The following ARHGEF18 variants were observed in gnomAD, a reference collection of about 807,000 sequenced individuals.
ARHGEF18 encodes rho guanine nucleotide exchange factor 18.
In ARHGEF18, 93 loss-of-function variants were observed where a neutral mutation model predicts 155.7. The observed-to-expected ratio is 0.60, with a 90% confidence interval of 0.50 to 0.71. ARHGEF18 has a LOEUF of 0.71. ARHGEF18 is among the 30% of genes least tolerant of loss of function. ARHGEF18 has a pLI of 0.00. For synonymous variants in ARHGEF18, 742 were observed against 753.1 expected (o/e 0.99, Z 0.24); for missense variants, 1,593 against 1,816.1 (o/e 0.88, Z 2.23).
chr19:7,349,552 C>T (rs1014823849), intron 1 of ARHGEF18, among the ~76,000 whole-genome samples: 4 of 151,728 alleles, frequency 2.6e-5, no homozygotes, highest in Non-Finnish European at 5.9e-5. Context: ...CTGAGGAGGG[C>T]GGATCACTTG....
chr19:7,360,079 C>A (rs554733681), intron 1 of ARHGEF18, among the ~76,000 whole-genome samples: 60 of 152,152 alleles, frequency 3.9e-4, no homozygotes, highest in Non-Finnish European at 3.1e-4. Context: ...CGCTTGTACC[C>A]AGGAGGTGGA....
At chr19:7,473,094 C>T (rs758426752), downstream of ARHGEF18, 48 of 456,104 alleles carry the variant, frequency 1.1e-4, no homozygotes, top group Middle Eastern at 3.2e-4. Context: ...CCACAATAAC[C>T]GCAAAGGCTG....
In ARHGEF18 at chr19:7,444,256, G is replaced by A; in HGVS notation, c.1413G>A (p.Lys471=). 1 of 1,613,670 alleles carries A rather than the reference G, an allele frequency of 6.2e-7. No homozygotes were observed. Among genetic ancestry groups the A allele is most frequent in the South Asian group, 1.1e-5 (1 of 91,088 alleles). The change falls in exon 14 of 29, where the codon AAG becomes AAA. Residue 471 remains lysine (K), a synonymous_variant. Coordinates refer to ENST00000668164, the MANE Select transcript of ARHGEF18 (RefSeq NM_001367823.1). This position sits in a 1 kb window ranked among gnomAD's most constrained non-coding sequence, Gnocchi z 4.7. Reference sequence around the variant, plus strand: ...TGCGGACGCTCAAGATCATGCTGAAGGTGTACTCCAGGGCCCTGCAGGAGG... The same window carrying A: ...TGCGGACGCTCAAGATCATGCTGAAAGTGTACTCCAGGGCCCTGCAGGAGG... The part of the protein sequence containing the change: ...HHVRTLKIML[K]VYSRALQEEL...
In ARHGEF18 at chr19:7,447,261, C is replaced by T. The variant is rs531872584; in HGVS notation, c.1737+93C>T. On this transcript the variant is annotated intron_variant, in intron 15 of 28. Coordinates refer to ENST00000668164, the MANE Select transcript of ARHGEF18 (RefSeq NM_001367823.1). ...ATCCCAGCACTTTGGGAGTCTGAGG[C>T]GGGCGGATCACAAGGCCAGGAGATC... 1.7e-5 allele frequency: 22 copies of T among 1,269,558 alleles called. No individual in the cohort carries two copies. The East Asian group carries it at 2.2e-4, about 13-fold the overall frequency. 78.6% of individuals were successfully genotyped at this position (1,269,558 alleles called of 1,614,324 possible).
intron 10 of ARHGEF18, among the ~76,000 whole-genome samples, chr19:7,414,037 G>A (rs766229927): frequency 2.0e-5 from 3 of 152,136 alleles, no homozygotes; most frequent in South Asian, 2.1e-4. Context: ...ATTCCTGCGC[G>A]TGGGTCTAAA....
At chr19:7,433,360 G>A (rs970679742) in intron 10 of ARHGEF18, among the ~76,000 whole-genome samples, 7 of 151,402 alleles carry the variant, frequency 4.6e-5, no homozygotes, top group South Asian at 2.1e-4. Context: ...CCAGCTACTC[G>A]GGAGGCTGAG....
chr19:7,351,701 TC>T lies in ARHGEF18; in HGVS notation c.-111+2461del, dbSNP rs1388088750. ...TATTTTCTCTCTGCCTCTCTCTCTC[TC>T]TCTTTTTTTTTTTTTTTTCTGAGAC... On this transcript the variant is annotated intron_variant, in intron 1 of 28. Coordinates refer to ENST00000668164, the MANE Select transcript of ARHGEF18 (RefSeq NM_001367823.1). Among the ~76,000 whole-genome samples the T allele has an allele frequency of 7.6e-3, 902 of 118,606 alleles. 9 individuals are homozygous for T. Among genetic ancestry groups the T allele is most frequent in the African/African-American group, 0.012 (419 of 34,706 alleles). The allele number at this position is 118,606 out of a possible 152,430, so 77.8% of individuals were successfully genotyped here.
chr19:7,455,842 C>T (rs1048843797), intron 17 of ARHGEF18, among the ~76,000 whole-genome samples: 1 of 152,202 alleles, frequency 6.6e-6, no homozygotes, highest in Non-Finnish European at 1.5e-5. Context: ...TGCAGGGAAA[C>T]TCCCCCTTAT....
intron 23 of ARHGEF18, among the ~76,000 whole-genome samples, chr19:7,466,380 T>TAA (rs1976605027): frequency 3.9e-5 from 1 of 25,328 alleles, no homozygotes; most frequent in African/African-American, 3.7e-4. Context: ...AAACTCCATC[T>TAA]CAAAAAAAAA....
intron 10 of ARHGEF18, among the ~76,000 whole-genome samples, chr19:7,414,822 A>C (rs1972903708): frequency 6.6e-6 from 1 of 151,574 alleles, no homozygotes; most frequent in Admixed American, 6.6e-5. Flanking sequence ...AAAGAAAAAA[A>C]CAAAAACAAT....
chr19:7,435,643 G>C lies in ARHGEF18; in HGVS notation c.968-4701G>C, dbSNP rs113149793. Among the ~76,000 whole-genome samples, 842 of 152,184 alleles carry C rather than the reference G, an allele frequency of 5.5e-3. 9 individuals are homozygous for C. The highest frequency in any genetic ancestry group is 0.019 in the African/African-American group (797 of 41,522). On this transcript the variant is annotated intron_variant, in intron 10 of 28. Coordinates refer to ENST00000668164, the MANE Select transcript of ARHGEF18 (RefSeq NM_001367823.1). ...GACCCTTTACTGTCTCTAGAAACTG[G>C]CCTGGGAGGGGCTGTGCATCCATGG...
Position 7,463,964 on chromosome 19 carries a change from G to T in ARHGEF18, c.2773+9G>T. On this transcript the variant is annotated intron_variant, in intron 22 of 28. Coordinates refer to ENST00000668164, the MANE Select transcript of ARHGEF18 (RefSeq NM_001367823.1). The surrounding 1 kb of genome is among the most constrained non-coding windows in gnomAD (Gnocchi z 5.2). The stretch of plus-strand genomic sequence containing the variant: ...AAACAGCCCCACCAAGAGTAAGAGC[G>T]GGGCCGTCTCCCCTCCTGCCTCCAG... The T allele has an allele frequency of 6.4e-7, 1 of 1,572,320 alleles. No homozygotes were observed. The highest frequency in any genetic ancestry group is 8.6e-7 in the Non-Finnish European group (1 of 1,158,642).
intron 22 of ARHGEF18, 91 bp downstream of exon 22, chr19:7,464,046 T>G (rs1976459866): frequency 2.1e-6 from 3 of 1,439,940 alleles, no homozygotes; most frequent in Non-Finnish European, 1.8e-6. Flanking sequence ...CTTTCTTTTT[T>G]GTTGTTGTTG....
Position 7,467,397 on chromosome 19 carries a change from C to G in ARHGEF18, c.3193C>G (p.His1065Asp). 3 of 1,532,914 alleles carry G rather than the reference C, an allele frequency of 2.0e-6. No individual in the cohort carries two copies. Among genetic ancestry groups the G allele is most frequent in the Non-Finnish European group, 1.7e-6 (2 of 1,145,512 alleles). The allele number at this position is 1,532,914 out of a possible 1,614,324, so 95.0% of individuals were successfully genotyped here. Residue 1065 changes from histidine to aspartate, a missense_variant, in exon 26 of 29, where the codon CAC (histidine) becomes GAC (aspartate). Physicochemically the swap from His to Asp is moderately conservative, Grantham distance 81. Transcript: ENST00000668164. ...GGAGAAGCTGCAGAGCCAGCTGCGG[C>G]ACGAGCAGCAGCGCTGGGAGCGCGA... ...ALEKLQSQLR[H>D]EQQRWERERQ...
At chr19:7,417,269 C>G (rs1414843157) in intron 10 of ARHGEF18, among the ~76,000 whole-genome samples, 1 of 152,114 alleles carries the variant, frequency 6.6e-6, no homozygotes, top group Non-Finnish European at 1.5e-5. Context: ...GTGGGCAGGT[C>G]AGACAAGATG....
At chr19:7,360,074 G>C (rs1969482700) in intron 1 of ARHGEF18, among the ~76,000 whole-genome samples, 1 of 152,050 alleles carries the variant, frequency 6.6e-6, no homozygotes, top group African/African-American at 2.4e-5. Flanking sequence ...AGAATCGCTT[G>C]TACCCAGGAG....
At chr19:7,441,596 G>A (rs1974647477) in intron 11 of ARHGEF18, 57 bp from the exon 12 acceptor site, 12 of 1,361,184 alleles carry the variant, frequency 8.8e-6, no homozygotes, top group Non-Finnish European at 1.2e-5. Flanking sequence ...TGTTGCATGA[G>A]GTCGTGTGTG....
chr19:7,432,930 C>T lies in ARHGEF18; in HGVS notation c.968-7414C>T, dbSNP rs947679700. 4.6e-5 allele frequency among the ~76,000 whole-genome samples: 7 copies of T among 152,290 alleles called. No homozygotes were observed. The South Asian group carries it at 1.0e-3, about 23-fold the overall frequency. ...ATCCCAGCACTTTGGGAAGTCGAAG[C>T]GGGAGGATCACTTAAGGCTAGGTAT... On this transcript the variant is annotated intron_variant, in intron 10 of 28. Transcript: ENST00000668164.
In ARHGEF18 at chr19:7,458,580, G is replaced by T. The variant is rs149382324; in HGVS notation, c.2250G>T (p.Ala750=). Residue 750 remains alanine, a synonymous_variant, in exon 19 of 29, where the codon GCG becomes GCT. Transcript: ENST00000668164. ...GGGAAGTGGCCAACGAGGAGAAAGCGATGTTTCTGATCAGCGCCTCCTTGC... is the reference window on the plus strand; with the variant it reads ...GGGAAGTGGCCAACGAGGAGAAAGCTATGTTTCTGATCAGCGCCTCCTTGC... ...IVREVANEEK[A]MFLISASLQG... is the part of the protein sequence containing the mutation. The T allele has an allele frequency of 1.7e-5, 28 of 1,614,134 alleles. No homozygotes were observed. In the Middle Eastern group the frequency reaches 8.2e-4, roughly 48 times the overall value.
Sources: gnomAD v4.1 joint callset for allele counts (sites outside exome capture counted in the v4.1 genomes callset) on GRCh38, gnomAD v4.1.1 for gene constraint, Gnocchi (gnomAD v3.1) non-coding constraint, MANE v1.5 for transcripts, NCBI Gene and HGNC (gene_info 2026-07-23, HGNC 2026-07-21) for gene names.